The following RSPO2 variants were observed in gnomAD, a reference collection of about 807,000 sequenced individuals.
The protein encoded by RSPO2 is R-spondin-2.
A neutral mutation model predicts 30.9 loss-of-function variants in RSPO2; 14 were observed. That is an observed-to-expected ratio of 0.45 (90% confidence interval 0.30 to 0.71). RSPO2 has a LOEUF of 0.71. Ranked by LOEUF, RSPO2 falls within the 30% of genes least tolerant of loss-of-function variation. The pLI is 0.08. For synonymous variants in RSPO2, 107 were observed against 96.4 expected, an observed-to-expected ratio of 1.11 and a Z score of -0.64; for missense variants, 264 against 301.9, an observed-to-expected ratio of 0.87 and a Z score of 0.93.
intron 2 of RSPO2, among the ~76,000 whole-genome samples, chr8:107,992,204 C>CACACA (rs71308765): frequency 1.3e-5 from 2 of 151,150 alleles, no homozygotes; most frequent in African/African-American, 2.4e-5. Context: ...CACACACACA[C>CACACA]CATGGAATAC....
At chr8:107,955,528 T>A (rs676613) in intron 5 of RSPO2, among the ~76,000 whole-genome samples, 87,585 of 151,960 alleles carry the variant, frequency 0.58, 26,149 homozygotes, top group East Asian at 0.7. Context: ...TCAAGTGTAA[T>A]TTGATCTACT....
chr8:107,988,088 C>T (rs1814711158), intron 3 of RSPO2, among the ~76,000 whole-genome samples: 1 of 151,934 alleles, frequency 6.6e-6, no homozygotes. Flanking sequence ...TTTTTTTAAA[C>T]CACAATTTCT....
At chr8:107,915,364 C>T in intron 5 of RSPO2, among the ~76,000 whole-genome samples, 1 of 152,118 alleles carries the variant, frequency 6.6e-6, no homozygotes, top group Non-Finnish European at 1.5e-5. Context: ...CTTCTTCCTT[C>T]TCCCGACTGG....
chr8:108,042,290 C>T (rs59993854), intron 2 of RSPO2, among the ~76,000 whole-genome samples: 3,034 of 152,156 alleles, frequency 0.02, 108 homozygotes, highest in African/African-American at 0.069. Context: ...GGTCTGTGGA[C>T]TGGTGATAAC....
rs1813251747 is a variant in RSPO2 at position 108,082,809 on chromosome 8, TGA to T, written c.-169-4_-169-3del. 3 of 576,920 alleles carry T rather than the reference TGA, an allele frequency of 5.2e-6. No homozygotes were observed. The allele number at this position is 576,920 out of a possible 1,614,324, so 35.7% of individuals were successfully genotyped here. On this transcript the variant is annotated splice_polypyrimidine_tract_variant and splice_region_variant and intron_variant, in intron 1 of 5. Coordinates refer to ENST00000276659, the MANE Select transcript of RSPO2 (RefSeq NM_178565.5). ...GATCAGCATCTCTCCGCCACGAACC[TGA>T]GAGACAAGAAGCGAAAACAGGGTGT...
chr8:107,917,048 T>C (rs1435584044), intron 5 of RSPO2, among the ~76,000 whole-genome samples: 2 of 152,224 alleles, frequency 1.3e-5, no homozygotes, highest in Admixed American at 1.3e-4. Context: ...TGAAAGGTTT[T>C]TGTTTGTTTG....
intron 4 of RSPO2, among the ~76,000 whole-genome samples, chr8:107,959,727 T>G (rs1249542662): frequency 6.6e-6 from 1 of 152,218 alleles, no homozygotes; most frequent in East Asian, 1.9e-4. Context: ...AGTGACTTTC[T>G]TATTTTAATA....
At chr8:107,983,283 A>C (rs1214289070) in intron 3 of RSPO2, 1 of 1,597,006 alleles carries the variant, frequency 6.3e-7, no homozygotes. Flanking sequence ...CTCATCTTTC[A>C]CTGGAATTGC....
chr8:108,006,863 C>G (rs1563560690), intron 2 of RSPO2, among the ~76,000 whole-genome samples: 2 of 152,154 alleles, frequency 1.3e-5, no homozygotes, highest in African/African-American at 4.8e-5. Context: ...TATATACACA[C>G]AGATCTAAAG....
chr8:107,993,362 T>C (rs1445759854), intron 2 of RSPO2, among the ~76,000 whole-genome samples: 4 of 152,172 alleles, frequency 2.6e-5, no homozygotes, highest in Non-Finnish European at 5.9e-5. Context: ...TACGGTATAT[T>C]CAAACTATTT....
intron 2 of RSPO2, among the ~76,000 whole-genome samples, chr8:108,008,172 C>T (rs989291): frequency 0.65 from 99,503 of 151,972 alleles, 35,183 homozygotes; most frequent in African/African-American, 0.91. Context: ...TATATGTTTA[C>T]GCACTACAGA....
At chr8:107,922,432 G>C (rs1480095629) in intron 5 of RSPO2, among the ~76,000 whole-genome samples, 1 of 151,900 alleles carries the variant, frequency 6.6e-6, no homozygotes, top group Non-Finnish European at 1.5e-5. Flanking sequence ...AGAGAAGTCA[G>C]ATATGACAGA....
chr8:107,909,119 T>C (rs1007491222), intron 5 of RSPO2, among the ~76,000 whole-genome samples: 1 of 152,112 alleles, frequency 6.6e-6, no homozygotes, highest in African/African-American at 2.4e-5. Context: ...GTAGTCCACT[T>C]CTGCAAGGTG....
Position 107,989,113 on chromosome 8 carries a change from G to T in RSPO2, c.226C>A (p.His76Asn). The T allele has an allele frequency of 1.2e-6, 2 of 1,610,720 alleles. No individual in the cohort carries two copies. Among genetic ancestry groups the T allele is most frequent in the South Asian group, 2.2e-5 (2 of 90,492 alleles). The change falls in exon 3 of 6, where the codon CAT becomes AAT. Residue 76 changes from histidine (H) to asparagine (N), a missense_variant. Physicochemically the swap from His to Asn is moderately conservative, Grantham distance 68. Transcript: ENST00000276659. ...EGMRQYGECL[H>N]SCPSGYYGHR... ...CCATAGTACCCGGATGGGCAGGAATGCAGGCACTCTCCATACTGGCGCATC... is the reference window on the plus strand; with the variant it reads ...CCATAGTACCCGGATGGGCAGGAATTCAGGCACTCTCCATACTGGCGCATC...
chr8:107,992,174 T>TACAC (rs35054419), intron 2 of RSPO2, among the ~76,000 whole-genome samples: 7,927 of 142,004 alleles, frequency 0.056, 280 homozygotes, highest in Middle Eastern at 0.15. Context: ...GAAAATGTGA[T>TACAC]ACACACACAC....
chr8:108,009,694 C>A (rs1421550395), intron 2 of RSPO2, among the ~76,000 whole-genome samples: 1 of 152,088 alleles, frequency 6.6e-6, no homozygotes, highest in African/African-American at 2.4e-5. Flanking sequence ...TTTGAGTTTC[C>A]AAACAGAATT....
intron 3 of RSPO2, among the ~76,000 whole-genome samples, chr8:107,978,867 A>G (rs1481610541): frequency 3.9e-5 from 6 of 152,204 alleles, no homozygotes; most frequent in Non-Finnish European, 7.3e-5. Flanking sequence ...AAAAGTGGGC[A>G]AAGGATATGA....
intron 2 of RSPO2, among the ~76,000 whole-genome samples, chr8:108,078,465 T>C (rs993928096): frequency 6.6e-6 from 1 of 152,232 alleles, no homozygotes; most frequent in Non-Finnish European, 1.5e-5. Flanking sequence ...GTTAGTATGT[T>C]CCATGTGTCA....
intron 5 of RSPO2, among the ~76,000 whole-genome samples, chr8:107,928,841 T>C (rs950864328): frequency 6.6e-6 from 1 of 152,212 alleles, no homozygotes; most frequent in Admixed American, 6.5e-5. Flanking sequence ...TTTAGTCCGG[T>C]TCATGGCGTA....
Sources: gnomAD v4.1 joint callset for allele counts (sites outside exome capture counted in the v4.1 genomes callset) on GRCh38, gnomAD v4.1.1 for gene constraint, MANE v1.5 for transcripts, NCBI Gene and HGNC (gene_info 2026-07-23, HGNC 2026-07-21) for gene names.